XNDC1N: variants seen among roughly 807,000 people sequenced by gnomAD.
The protein encoded by XNDC1N is XRCC1 N-terminal domain containing 1, N-terminal like, also known as protein XNDC1N.
the XNDC1N span, among the ~76,000 whole-genome samples, chr11:71,885,771 A>C: frequency 1.3e-4 from 19 of 151,908 alleles, no homozygotes; most frequent in Non-Finnish European, 1.9e-4. Flanking sequence ...TAAAGTTTTC[A>C]GATTATTAAT....
chr11:71,907,441 G>A, the XNDC1N span, among the ~76,000 whole-genome samples: 1 of 138,346 alleles, frequency 7.2e-6, no homozygotes, highest in Non-Finnish European at 1.6e-5. Context: ...AGCCCCCCAC[G>A]ATGCGGGGAG....
At chr11:71,905,343 T>C in the XNDC1N span, among the ~76,000 whole-genome samples, 1 of 151,762 alleles carries the variant, frequency 6.6e-6, no homozygotes, top group Admixed American at 6.6e-5. Context: ...ACCCATGTGA[T>C]ATTAGGAGTA....
At chr11:71,922,767 A>C in the XNDC1N span, among the ~76,000 whole-genome samples, 1 of 152,232 alleles carries the variant, frequency 6.6e-6, no homozygotes, top group Non-Finnish European at 1.5e-5. Context: ...CCAGGATAAC[A>C]GAAGGGAAAG....
At chr11:71,900,231 G>C in the XNDC1N span, among the ~76,000 whole-genome samples, 1 of 152,202 alleles carries the variant, frequency 6.6e-6, no homozygotes, top group Non-Finnish European at 1.5e-5. Flanking sequence ...AGAGGCCAGT[G>C]CCGGTGCAGA....
the XNDC1N span, chr11:71,878,598 G>C: frequency 1.4e-6 from 2 of 1,391,200 alleles, no homozygotes; most frequent in Non-Finnish European, 2.0e-6. Context: ...AATAAATTAG[G>C]CATGGGCAGA....
At chr11:71,894,019 C>T in the XNDC1N span, 2 of 792,906 alleles carry the variant, frequency 2.5e-6, no homozygotes, top group African/African-American at 1.8e-5. Context: ...CCCCTCTCAA[C>T]TTCTCAAACT....
chr11:71,877,648 A>G, the XNDC1N span, among the ~76,000 whole-genome samples: 2 of 152,206 alleles, frequency 1.3e-5, no homozygotes, highest in African/African-American at 4.8e-5. Context: ...TAAATAAAAA[A>G]TAAATAAATA....
At chr11:71,905,521 C>T in the XNDC1N span, among the ~76,000 whole-genome samples, 4 of 151,900 alleles carry the variant, frequency 2.6e-5, no homozygotes, top group Non-Finnish European at 5.9e-5. Flanking sequence ...GGGGGCACAC[C>T]CTCTGTGATA....
the XNDC1N span, among the ~76,000 whole-genome samples, chr11:71,923,816 A>G: frequency 1.3e-5 from 2 of 151,978 alleles, no homozygotes; most frequent in South Asian, 2.1e-4. Flanking sequence ...CGGACTCCCA[A>G]AGTGTTGGGA....
At chr11:71,867,448 C>G in the XNDC1N span, among the ~76,000 whole-genome samples, 1 of 152,252 alleles carries the variant, frequency 6.6e-6, no homozygotes, top group South Asian at 2.1e-4. Flanking sequence ...GCTCACCAGT[C>G]ATAGTCCTGG....
chr11:71,917,481 G>T, the XNDC1N span: 18 of 669,974 alleles, frequency 2.7e-5, no homozygotes, highest in Non-Finnish European at 4.4e-5. Flanking sequence ...ACCACCCTTT[G>T]CCCCCAACAG....
chr11:71,888,622 A>G, the XNDC1N span, among the ~76,000 whole-genome samples: 1 of 152,212 alleles, frequency 6.6e-6, no homozygotes, highest in Non-Finnish European at 1.5e-5. Flanking sequence ...CTCAACAACT[A>G]GACGGGGTTT....
chr11:71,886,101 G>T, the XNDC1N span, among the ~76,000 whole-genome samples: 12 of 152,236 alleles, frequency 7.9e-5, no homozygotes, highest in East Asian at 1.4e-3. Context: ...AGCAGCCGTA[G>T]ACTGGGATAG....
the XNDC1N span, chr11:71,916,645 A>C: frequency 5.3e-6 from 1 of 190,200 alleles, no homozygotes; most frequent in Non-Finnish European, 1.1e-5. Context: ...CCTCCCTCAC[A>C]CCACCACGTG....
At chr11:71,906,452 A>G in the XNDC1N span, among the ~76,000 whole-genome samples, 814 of 152,256 alleles carry the variant, frequency 5.3e-3, 6 homozygotes, top group African/African-American at 0.016. Context: ...GTGTGACATT[A>G]GAAGTCACAT....
the XNDC1N span, chr11:71,893,474 G>A: frequency 4.1e-6 from 3 of 736,004 alleles, no homozygotes; most frequent in Non-Finnish European, 7.6e-6. Flanking sequence ...ACAGAGCCAC[G>A]GAATCTCACA....
chr11:71,918,054 G>A, the XNDC1N span, among the ~76,000 whole-genome samples: 2 of 152,132 alleles, frequency 1.3e-5, no homozygotes, highest in East Asian at 1.9e-4. Flanking sequence ...GGTGGAAAGC[G>A]CTAAATTCTG....
chr11:71,900,366 G>A, the XNDC1N span, among the ~76,000 whole-genome samples: 1 of 151,992 alleles, frequency 6.6e-6, no homozygotes, highest in African/African-American at 2.4e-5. Context: ...GCTGTGGAGG[G>A]GCAGGCCACC....
At chr11:71,878,991 C>T in the XNDC1N span, among the ~76,000 whole-genome samples, 1 of 152,028 alleles carries the variant, frequency 6.6e-6, no homozygotes, top group Non-Finnish European at 1.5e-5. Flanking sequence ...CAGAGTGAGA[C>T]CCTGTCTCAA....
Sources: allele counts gnomAD v4.1 joint callset (sites outside exome capture counted in the v4.1 genomes callset), GRCh38; gene constraint gnomAD v4.1.1; transcripts MANE v1.5; gene names NCBI Gene and HGNC (gene_info 2026-07-23, HGNC 2026-07-21).